UNC5C: variants seen among roughly 807,000 people sequenced by gnomAD.
UNC5C encodes the protein unc-5 netrin receptor C.
UNC5C carries 47 observed loss-of-function variants against 99.8 expected under a neutral mutation model. The observed-to-expected ratio is 0.47, with a 90% CI of 0.37 to 0.60. The LOEUF is 0.60. Ranked by LOEUF, UNC5C falls within the 20% of genes least tolerant of loss-of-function variation. The pLI, the probability that UNC5C is intolerant of heterozygous loss-of-function variation, is 0.00. For synonymous variants in UNC5C, 487 were observed against 452.2 expected (o/e 1.08, Z -0.98); for missense variants, 1,062 against 1,165.9 (o/e 0.91, Z 1.30).
intron 1 of UNC5C, among the ~76,000 whole-genome samples, chr4:95,526,973 G>A (rs1274059762): frequency 1.3e-5 from 2 of 151,926 alleles, no homozygotes; most frequent in Admixed American, 6.6e-5. Context: ...ATAATACAAA[G>A]CAAAACATGT....
intron 7 of UNC5C, among the ~76,000 whole-genome samples, chr4:95,240,252 G>A (rs1321190272): frequency 6.6e-6 from 1 of 152,082 alleles, no homozygotes; most frequent in Non-Finnish European, 1.5e-5. Flanking sequence ...TTCACTGTTA[G>A]AAGCCTTTGT....
At chr4:95,306,265 C>A (rs567950349) in intron 2 of UNC5C, among the ~76,000 whole-genome samples, 6 of 152,138 alleles carry the variant, frequency 3.9e-5, no homozygotes, top group African/African-American at 1.4e-4. Context: ...TGCAGTGGCG[C>A]GATCTTGGCT....
rs1738377466 is a variant in UNC5C, at chr4:95,219,298, G to T, written c.1316C>A (p.Pro439His). Residue 439 changes from proline (P) to histidine (H), a missense_variant, in exon 9 of 16, where the codon CCC (proline) becomes CAC (histidine). By Grantham distance (77) the Pro-to-His change is moderately conservative. Coordinates refer to ENST00000453304, the MANE Select transcript of UNC5C (RefSeq NM_003728.4). ...GGCTGCAGCTGACGTGAGGTCTGGGGGTACAGCCAGCAGATCTGAGTCAGA... is the reference window on the plus strand; with the variant it reads ...GGCTGCAGCTGACGTGAGGTCTGGGTGTACAGCCAGCAGATCTGAGTCAGA... ...KAARQDLLAV[P>H]PDLTSAAAMY... The T allele has an allele frequency of 1.2e-6, 2 of 1,613,298 alleles. No individual in the cohort carries two copies. The highest frequency in any genetic ancestry group is 1.7e-6 in the Non-Finnish European group (2 of 1,179,574).
In UNC5C at chr4:95,202,724, C is replaced by CACTT. The variant is rs1247343367; in HGVS notation, c.2136+3_2136+6dup. 2.5e-6 allele frequency: 4 copies of CACTT among 1,613,220 alleles called. No homozygotes were observed. In the African/African-American group the frequency reaches 4.0e-5, roughly 16 times the overall value. On this transcript the variant is annotated splice_region_variant and intron_variant, in intron 12 of 15. Coordinates refer to ENST00000453304, the MANE Select transcript of UNC5C (RefSeq NM_003728.4). ...TGAAGAGGGCAGGCTAGGTGGGAGG[C>CACTT]ACTTACCTTCAGGGCATCCTGGGTG...
chr4:95,539,274 T>C (rs1401415397), intron 1 of UNC5C, among the ~76,000 whole-genome samples: 2 of 152,172 alleles, frequency 1.3e-5, no homozygotes, highest in Non-Finnish European at 2.9e-5. Context: ...ACAGCAGTTC[T>C]CCTCCACGGC....
rs78074562 is a variant in UNC5C, at chr4:95,531,685, G to T, written c.124+17049C>A. Among the ~76,000 whole-genome samples the T allele has an allele frequency of 9.9e-3, 1,515 of 152,304 alleles. 24 individuals are homozygous for T. The highest frequency in any genetic ancestry group is 0.035 in the African/African-American group (1,447 of 41,544). On this transcript the variant is annotated intron_variant, in intron 1 of 15. Coordinates refer to ENST00000453304, the MANE Select transcript of UNC5C (RefSeq NM_003728.4). ...TTTTCAGACAATAGTCAATTACAGGGAAACACTGGGTTTAATATGTACTCC... is the reference window on the plus strand; with the variant it reads ...TTTTCAGACAATAGTCAATTACAGGTAAACACTGGGTTTAATATGTACTCC...
intron 3 of UNC5C, among the ~76,000 whole-genome samples, chr4:95,300,445 T>G (rs909605388): frequency 6.6e-6 from 1 of 152,242 alleles, no homozygotes; most frequent in Admixed American, 6.5e-5. Flanking sequence ...CTCTAGAAAT[T>G]AACACAATTT....
intron 1 of UNC5C, among the ~76,000 whole-genome samples, chr4:95,515,745 A>T (rs1007454453): frequency 6.6e-6 from 1 of 152,350 alleles, no homozygotes; most frequent in Non-Finnish European, 1.5e-5. Context: ...GCAATAATGC[A>T]TCCTAAAACG....
chr4:95,469,900 T>A (rs904574955), intron 1 of UNC5C, among the ~76,000 whole-genome samples: 1 of 152,126 alleles, frequency 6.6e-6, no homozygotes, highest in South Asian at 2.1e-4. Flanking sequence ...TCAAAGAGTG[T>A]TTTTAGTGGA....
chr4:95,526,592 A>T (rs192099924), intron 1 of UNC5C, among the ~76,000 whole-genome samples: 339 of 152,218 alleles, frequency 2.2e-3, no homozygotes, highest in South Asian at 0.012. Flanking sequence ...CATTTCCATT[A>T]TCTATCAAGT....
chr4:95,293,035 A>G (rs538542217), intron 3 of UNC5C, among the ~76,000 whole-genome samples: 4 of 152,188 alleles, frequency 2.6e-5, no homozygotes, highest in African/African-American at 4.8e-5. Flanking sequence ...GACAGGGTTG[A>G]GGCCCGGATA....
chr4:95,339,851 T>C (rs563119598), intron 1 of UNC5C, among the ~76,000 whole-genome samples: 1 of 151,866 alleles, frequency 6.6e-6, no homozygotes, highest in African/African-American at 2.4e-5. Context: ...GTTGCTTTTG[T>C]TCTGTACATT....
At chr4:95,410,689 A>G (rs955332301) in intron 1 of UNC5C, among the ~76,000 whole-genome samples, 4 of 152,186 alleles carry the variant, frequency 2.6e-5, no homozygotes, top group Non-Finnish European at 5.9e-5. Flanking sequence ...AAATCAGGGC[A>G]ATTATTGAAC....
chr4:95,525,360 C>G (rs924163734), intron 1 of UNC5C, among the ~76,000 whole-genome samples: 1 of 152,062 alleles, frequency 6.6e-6, no homozygotes, highest in South Asian at 2.1e-4. Context: ...TGCAGAACTA[C>G]GTTTTGAAAC....
chr4:95,475,436 T>C (rs1748113398), intron 1 of UNC5C, among the ~76,000 whole-genome samples: 1 of 152,036 alleles, frequency 6.6e-6, no homozygotes, highest in Non-Finnish European at 1.5e-5. Context: ...AATTCAATGA[T>C]GGCGTATATT....
chr4:95,306,864 C>A (rs1742079152), intron 2 of UNC5C, among the ~76,000 whole-genome samples: 1 of 152,146 alleles, frequency 6.6e-6, no homozygotes, highest in Non-Finnish European at 1.5e-5. Context: ...ATATACAAAG[C>A]TGCAGGTTGG....
chr4:95,479,449 G>C lies in UNC5C; in HGVS notation c.124+69285C>G, dbSNP rs147265500. 2.4e-3 allele frequency among the ~76,000 whole-genome samples: 365 copies of C among 152,062 alleles called. 2 individuals carry two copies. The highest frequency in any genetic ancestry group is 0.01 in the Middle Eastern group (3 of 294). On this transcript the variant is annotated intron_variant, in intron 1 of 15. Transcript: ENST00000453304. ...ATGATACTGCTATGCACCCAGGATT[G>C]AGATCTTGTAGTATAAACCACAACA...
intron 1 of UNC5C, among the ~76,000 whole-genome samples, chr4:95,492,794 T>G (rs1251547357): frequency 6.6e-6 from 1 of 151,482 alleles, no homozygotes; most frequent in Non-Finnish European, 1.5e-5. Flanking sequence ...AGTGTTTAAC[T>G]AAACAGAAAA....
At chr4:95,271,224 T>A (rs1740647875) in intron 4 of UNC5C, among the ~76,000 whole-genome samples, 2 of 105,010 alleles carry the variant, frequency 1.9e-5, no homozygotes, top group Admixed American at 1.6e-4. Context: ...GAGGTTTATT[T>A]TTTATTTATT....
Sources: allele counts gnomAD v4.1 joint callset (sites outside exome capture counted in the v4.1 genomes callset), GRCh38; gene constraint gnomAD v4.1.1; transcripts MANE v1.5; gene names NCBI Gene and HGNC (gene_info 2026-07-23, HGNC 2026-07-21).